MOV10L1: variants seen among roughly 807,000 people sequenced by gnomAD.
MOV10L1 encodes the protein Mov10 like RNA helicase 1.
A neutral mutation model predicts 143.8 loss-of-function variants in MOV10L1; 110 were observed. The observed-to-expected ratio is 0.76, with a 90% CI of 0.66 to 0.90. The LOEUF is 0.90. Among genes scored for constraint, MOV10L1 ranks in the 40% least tolerant of loss-of-function variants. The pLI is 0.00. For synonymous variants in MOV10L1, 593 were observed against 581.1 expected, an observed-to-expected ratio of 1.02 and a Z score of -0.29; for missense variants, 1,406 against 1,526.8, an observed-to-expected ratio of 0.92 and a Z score of 1.32.
chr22:50,159,654 T>C lies in MOV10L1; in HGVS notation c.3217-24T>C. On this transcript the variant is annotated intron_variant, in intron 23 of 26. Coordinates refer to ENST00000262794, the MANE Select transcript of MOV10L1 (RefSeq NM_018995.3). This position sits in a 1 kb window ranked among gnomAD's most constrained non-coding sequence, Gnocchi z 4.1. ...TGGATTTGTACAGTGTTATCTTTAG[T>C]CTTTCTTTTAATCTGTTCTCAAGGT... is the stretch of plus-strand genomic sequence containing the variant. 1 of 1,432,004 alleles carries C rather than the reference T, an allele frequency of 7.0e-7. No homozygotes were observed. The highest frequency in any genetic ancestry group is 9.8e-7 in the Non-Finnish European group (1 of 1,025,314). 88.7% of individuals were successfully genotyped at this position (1,432,004 alleles called of 1,614,324 possible). A position where few individuals can be genotyped will look rare whatever the true frequency, so the allele number is the denominator to read the frequency against.
chr22:50,113,529 G>C, intron 5 of MOV10L1, 119 bp from the exon 6 acceptor site: 2 of 1,360,064 alleles, frequency 1.5e-6, no homozygotes, highest in Non-Finnish European at 1.0e-6. Context: ...TGGAAGCCCT[G>C]CCTGTGGTGA....
chr22:50,095,307 A>G (rs941017048), intron 2 of MOV10L1: 2 of 152,244 alleles, frequency 1.3e-5, no homozygotes, highest in African/African-American at 4.8e-5. Context: ...ATCTTTTATT[A>G]ATTCACCAAT....
chr22:50,130,665 G>C (rs1373561898), intron 13 of MOV10L1, among the ~76,000 whole-genome samples: 1 of 142,996 alleles, frequency 7.0e-6, no homozygotes, highest in Non-Finnish European at 1.6e-5. Context: ...GGAAGGGGCA[G>C]CTGTGTTGGA....
intron 19 of MOV10L1, among the ~76,000 whole-genome samples, chr22:50,147,998 G>T (rs545024894): frequency 1.3e-5 from 2 of 152,352 alleles, no homozygotes; most frequent in African/African-American, 4.8e-5. Context: ...GCCCGCCCCC[G>T]CACAGGTCTG....
intron 2 of MOV10L1, among the ~76,000 whole-genome samples, chr22:50,098,376 T>TA (rs1321066911): frequency 6.6e-6 from 1 of 152,166 alleles, no homozygotes; most frequent in East Asian, 1.9e-4. Context: ...TCTTGCTGTT[T>TA]ATTGAGGTAT....
chr22:50,149,820 T>A, intron 20 of MOV10L1, 106 bp downstream of exon 20: 1 of 1,036,776 alleles, frequency 9.6e-7, no homozygotes, highest in Non-Finnish European at 1.4e-6. Flanking sequence ...AGGGGTCAGG[T>A]GGAAGTGCCA....
intron 13 of MOV10L1, among the ~76,000 whole-genome samples, chr22:50,129,829 TC>T (rs540653513): frequency 8.6e-4 from 131 of 152,362 alleles, no homozygotes; most frequent in Non-Finnish European, 1.6e-3. Flanking sequence ...CGTAAAATGT[TC>T]CTCTTCCATG....
At chr22:50,151,223 A>G (rs956828447) in intron 21 of MOV10L1, among the ~76,000 whole-genome samples, 2 of 152,230 alleles carry the variant, frequency 1.3e-5, no homozygotes, top group African/African-American at 4.8e-5. Flanking sequence ...CTCTGACCCC[A>G]AGGTCCCACT....
At position 50,158,083 on chromosome 22, in the gene MOV10L1, C is replaced by G; in HGVS notation, c.3093C>G (p.Ser1031Arg). Residue 1031 changes from serine (S) to arginine (R), a missense_variant, in exon 23 of 27, where the codon AGC becomes AGG. This residue lies in a region of MOV10L1 where 1,233 missense variants were observed against 1,351.4 expected (regional missense o/e 0.91). Transcript: ENST00000262794. The surrounding 1 kb of genome is among the most constrained non-coding windows in gnomAD (Gnocchi z 5.0). ...VRGSEAREGKSPSWFNPAEAV... is the reference protein window; with the variant it reads ...VRGSEAREGKRPSWFNPAEAV... ...GCAGCGAGGCACGGGAGGGAAAAAG[C>G]CCATCGTGGTTCAACCCGGCCGAGG... 1 of 1,614,068 alleles carries G rather than the reference C, an allele frequency of 6.2e-7. No homozygotes were observed. The highest frequency in any genetic ancestry group is 8.5e-7 in the Non-Finnish European group (1 of 1,179,964).
chr22:50,114,722 C>T lies in MOV10L1; in HGVS notation c.1126+100C>T, dbSNP rs984570222. ...GGGCGGGCAGCAGGGGCCAGGACAC[C>T]CGGCAGCTACAGTGCTTTGTGCTCT... On this transcript the variant is annotated intron_variant, in intron 7 of 26. Transcript: ENST00000262794. 9 of 1,503,754 alleles carry T rather than the reference C, an allele frequency of 6.0e-6. No homozygotes were observed. The African/African-American group carries it at 9.7e-5, about 16-fold the overall frequency. 93.2% of individuals were successfully genotyped at this position (1,503,754 alleles called of 1,614,324 possible).
At chr22:50,119,001 C>T (rs2062259732) in intron 9 of MOV10L1, among the ~76,000 whole-genome samples, 3 of 152,144 alleles carry the variant, frequency 2.0e-5, no homozygotes, top group South Asian at 2.1e-4. Context: ...GAAAGTCCCT[C>T]GGCTGCCAGG....
intron 10 of MOV10L1, among the ~76,000 whole-genome samples, chr22:50,123,551 A>T (rs2062412566): frequency 6.6e-6 from 1 of 152,140 alleles, no homozygotes; most frequent in African/African-American, 2.4e-5. Context: ...TATGCTGCTG[A>T]ATTTTGTGTG....
intron 8 of MOV10L1, among the ~76,000 whole-genome samples, chr22:50,116,353 A>G (rs942142824): frequency 2.0e-5 from 3 of 151,550 alleles, no homozygotes; most frequent in Non-Finnish European, 4.4e-5. Flanking sequence ...AGGCTGAGGC[A>G]GGAGAATGGC....
intron 2 of MOV10L1, chr22:50,092,790 T>C (rs1279646594): frequency 6.6e-6 from 1 of 152,318 alleles, no homozygotes; most frequent in Non-Finnish European, 1.5e-5. Context: ...TTAATGGTTA[T>C]CACCAAAGTA....
intron 2 of MOV10L1, among the ~76,000 whole-genome samples, chr22:50,097,213 A>T (rs1361641871): frequency 6.6e-6 from 1 of 152,102 alleles, no homozygotes. Context: ...CCCAGGCTGA[A>T]GTGATCCTTC....
At chr22:50,092,923 G>C (rs990977146) in intron 2 of MOV10L1, 1 of 151,814 alleles carries the variant, frequency 6.6e-6, no homozygotes, top group African/African-American at 2.4e-5. Context: ...GTTTTTTTCT[G>C]AGACGGAGTC....
Position 50,161,068 on chromosome 22 carries a change from G to A in MOV10L1, c.3554+13G>A, listed in dbSNP as rs747664852. ...AGTCTCTGCAAAAGTGAGCGCTTCTGCTGTCTTCCTCAAAGACAGGCTGGC... is the reference window on the plus strand; with the variant it reads ...AGTCTCTGCAAAAGTGAGCGCTTCTACTGTCTTCCTCAAAGACAGGCTGGC... On this transcript the variant is annotated intron_variant, in intron 26 of 26. Coordinates refer to ENST00000262794, the MANE Select transcript of MOV10L1 (RefSeq NM_018995.3). The A allele has an allele frequency of 6.2e-7, 1 of 1,612,290 alleles. No individual in the cohort carries two copies. Among genetic ancestry groups the A allele is most frequent in the Non-Finnish European group, 8.5e-7 (1 of 1,178,672 alleles).
chr22:50,107,723 C>T (rs535761204), intron 3 of MOV10L1, among the ~76,000 whole-genome samples: 1 of 152,192 alleles, frequency 6.6e-6, no homozygotes, highest in African/African-American at 2.4e-5. Flanking sequence ...GAGGGGCTGG[C>T]TGGACCACTG....
chr22:50,159,688 T>C lies in MOV10L1; in HGVS notation c.3227T>C (p.Ile1076Thr), dbSNP rs1466462253. The change falls in exon 24 of 27, where the codon ATC becomes ACC. Residue 1076 changes from isoleucine to threonine, a missense_variant. By Grantham distance (89) the Ile-to-Thr change is moderately conservative. Coordinates refer to ENST00000262794, the MANE Select transcript of MOV10L1 (RefSeq NM_018995.3). This position sits in a 1 kb window ranked among gnomAD's most constrained non-coding sequence, Gnocchi z 4.1. Reference protein sequence around the residue: ...ITPYRKQVEKIRILLRNVDLM... With the variant: ...ITPYRKQVEKTRILLRNVDLM... ...TAATCTGTTCTCAAGGTGGAGAAAATCAGAATTCTTTTGCGTAATGTTGAT... is the reference window on the plus strand; with the variant it reads ...TAATCTGTTCTCAAGGTGGAGAAAACCAGAATTCTTTTGCGTAATGTTGAT... 2.5e-6 allele frequency: 4 copies of C among 1,607,784 alleles called. No homozygotes were observed. Among genetic ancestry groups the C allele is most frequent in the Non-Finnish European group, 3.4e-6 (4 of 1,175,272 alleles).
Sources: allele counts gnomAD v4.1 joint callset (sites outside exome capture counted in the v4.1 genomes callset), GRCh38; gene constraint gnomAD v4.1.1; regional missense constraint gnomAD v4.1.1; non-coding constraint Gnocchi (gnomAD v3.1); transcripts MANE v1.5; gene names NCBI Gene and HGNC (gene_info 2026-07-23, HGNC 2026-07-21).